The following NOX3 variants were observed in gnomAD, a reference collection of about 807,000 sequenced individuals.
The protein encoded by NOX3 is NADPH oxidase 3.
Under a neutral mutation model 76.7 loss-of-function variants are expected in NOX3, and 74 were observed. That is an observed-to-expected ratio of 0.96 (90% confidence interval 0.80 to 1.17). The LOEUF (loss-of-function observed/expected upper bound fraction) is 1.17. NOX3 is among the 50% of genes most tolerant of loss of function. The pLI, the probability that NOX3 is intolerant of heterozygous loss-of-function variation, is 0.00. For synonymous variants in NOX3, 263 were observed against 261.1 expected (o/e 1.01, Z -0.07); for missense variants, 695 against 703.3 (o/e 0.99, Z 0.13).
intron 3 of NOX3, among the ~76,000 whole-genome samples, chr6:155,453,706 C>T (rs1033669858): frequency 6.6e-6 from 1 of 152,162 alleles, no homozygotes; most frequent in Non-Finnish European, 1.5e-5. Flanking sequence ...TATTAGTTCT[C>T]TGTTTATAAT....
chr6:155,396,709 G>A, intron 13 of NOX3, 100 bp downstream of exon 13: 1 of 869,286 alleles, frequency 1.2e-6, no homozygotes, highest in Non-Finnish European at 1.7e-6. Context: ...CAGTAGTTGA[G>A]AGTCGGACCA....
chr6:155,430,632 A>C (rs540797544), intron 8 of NOX3, among the ~76,000 whole-genome samples: 2 of 152,032 alleles, frequency 1.3e-5, no homozygotes, highest in Non-Finnish European at 2.9e-5. Context: ...CTTTATCAGA[A>C]TTCTGTGTGC....
At chr6:155,415,220 T>C (rs1776609219) in intron 10 of NOX3, among the ~76,000 whole-genome samples, 1 of 152,112 alleles carries the variant, frequency 6.6e-6, no homozygotes, top group Non-Finnish European at 1.5e-5. Flanking sequence ...GTCAAAGAGG[T>C]CTGGGGCCAG....
At chr6:155,431,475 A>G (rs977325145) in intron 7 of NOX3, among the ~76,000 whole-genome samples, 11 of 150,010 alleles carry the variant, frequency 7.3e-5, no homozygotes, top group Non-Finnish European at 1.2e-4. Flanking sequence ...TATAAAGTCA[A>G]TTTCCTGGCA....
At position 155,430,849 on chromosome 6, in the gene NOX3, A is replaced by C. The variant is rs1339206473; in HGVS notation, c.885T>G (p.Ile295Met). 1 of 1,608,022 alleles carries C rather than the reference A, an allele frequency of 6.2e-7. No homozygotes were observed. The highest frequency in any genetic ancestry group is 8.5e-7 in the Non-Finnish European group (1 of 1,174,748). ...RFWRFQQEVVITKVVSHPSGV... is the reference protein window; with the variant it reads ...RFWRFQQEVVMTKVVSHPSGV... The stretch of plus-strand genomic sequence containing the variant: ...CATAAAGCTACATGCATACCTTGGT[A>C]ATGACAACTTCTTGTTGAAATCGCC... Residue 295 changes from isoleucine (I) to methionine (M), a missense_variant, in exon 8 of 14, where the codon ATT becomes ATG. Coordinates refer to ENST00000159060, the MANE Select transcript of NOX3 (RefSeq NM_015718.3).
At chr6:155,429,193 T>TATA in intron 8 of NOX3, 146 bp from the exon 9 acceptor site, 1 of 727,506 alleles carries the variant, frequency 1.4e-6, no homozygotes, top group East Asian at 2.9e-5. Context: ...CCCAAAGATA[T>TATA]GTGCCATCGC....
chr6:155,419,227 A>G (rs2294679), intron 10 of NOX3, among the ~76,000 whole-genome samples: 29,163 of 152,198 alleles, frequency 0.19, 2,846 homozygotes, highest in South Asian at 0.22. Flanking sequence ...AAAGAGAGAA[A>G]CTTCCTAAAC....
intron 4 of NOX3, among the ~76,000 whole-genome samples, chr6:155,449,253 G>A (rs549941361): frequency 2.6e-5 from 4 of 152,178 alleles, no homozygotes; most frequent in South Asian, 2.1e-4. Context: ...AGCTGCACTC[G>A]GCTAATTGTT....
chr6:155,399,913 A>G (rs9478647), intron 12 of NOX3, among the ~76,000 whole-genome samples: 12,233 of 152,276 alleles, frequency 0.08, 1,261 homozygotes, highest in African/African-American at 0.23. Context: ...TGCAAGCCAC[A>G]GAGCTTGCAC....
intron 9 of NOX3, among the ~76,000 whole-genome samples, chr6:155,428,235 T>C (rs903590548): frequency 3.9e-5 from 6 of 152,240 alleles, no homozygotes; most frequent in African/African-American, 7.2e-5. Flanking sequence ...GTGTCCCCCA[T>C]TGATATGTTA....
intron 11 of NOX3, among the ~76,000 whole-genome samples, chr6:155,410,423 G>T (rs1161382161): frequency 6.6e-6 from 1 of 152,056 alleles, no homozygotes. Flanking sequence ...TTCCTTAAAA[G>T]TATATATCAA....
chr6:155,420,786 G>C (rs1043063357), intron 10 of NOX3, among the ~76,000 whole-genome samples: 1 of 152,170 alleles, frequency 6.6e-6, no homozygotes, highest in Non-Finnish European at 1.5e-5. Flanking sequence ...CTTCCTGTTA[G>C]GTAGTCAGTG....
intron 4 of NOX3, among the ~76,000 whole-genome samples, chr6:155,447,879 G>T (rs1168608172): frequency 6.6e-6 from 1 of 152,200 alleles, no homozygotes; most frequent in African/African-American, 2.4e-5. Flanking sequence ...CACCAGGGGA[G>T]ATACTATTTT....
At chr6:155,419,643 G>A (rs934838274) in intron 10 of NOX3, among the ~76,000 whole-genome samples, 2 of 152,100 alleles carry the variant, frequency 1.3e-5, no homozygotes, top group African/African-American at 4.8e-5. Flanking sequence ...TCTTGGAATA[G>A]AGATCAATGT....
intron 12 of NOX3, among the ~76,000 whole-genome samples, chr6:155,402,054 C>T (rs143450273): frequency 3.3e-5 from 5 of 152,106 alleles, no homozygotes; most frequent in African/African-American, 7.2e-5. Context: ...GATGTGACAA[C>T]GGTATTTTTA....
intron 4 of NOX3, among the ~76,000 whole-genome samples, chr6:155,445,872 A>C: frequency 6.4e-5 from 1 of 15,644 alleles, no homozygotes; most frequent in South Asian, 2.6e-3. Context: ...ACATATACAT[A>C]TATATATATA....
intron 11 of NOX3, among the ~76,000 whole-genome samples, chr6:155,409,378 G>T (rs2114679603): frequency 6.6e-6 from 1 of 152,278 alleles, no homozygotes; most frequent in South Asian, 2.1e-4. Context: ...TAGTGAGTGG[G>T]AGTCAGGCTG....
At chr6:155,401,687 C>T (rs1342746397) in intron 12 of NOX3, among the ~76,000 whole-genome samples, 1 of 151,500 alleles carries the variant, frequency 6.6e-6, no homozygotes, top group Non-Finnish European at 1.5e-5. Context: ...GGTAAGTTGA[C>T]ACCTTTCTTC....
chr6:155,417,444 G>T (rs1020994465), intron 10 of NOX3, among the ~76,000 whole-genome samples: 7 of 152,168 alleles, frequency 4.6e-5, no homozygotes, highest in Admixed American at 1.3e-4. Flanking sequence ...GCAATCTGTG[G>T]TTAATAAACC....
Sources: gnomAD v4.1 joint callset for allele counts (sites outside exome capture counted in the v4.1 genomes callset) on GRCh38, gnomAD v4.1.1 for gene constraint, MANE v1.5 for transcripts, NCBI Gene and HGNC (gene_info 2026-07-23, HGNC 2026-07-21) for gene names.